KDM4C: variants seen among roughly 807,000 people sequenced by gnomAD.
KDM4C encodes the protein lysine demethylase 4C, also known as lysine-specific demethylase 4C.
KDM4C carries 81 observed loss-of-function variants against 129.3 expected under a neutral mutation model. The observed-to-expected ratio is 0.63, with a 90% CI of 0.52 to 0.75. KDM4C has a LOEUF of 0.75. Ranked by LOEUF, KDM4C falls within the 30% of genes least tolerant of loss-of-function variation. KDM4C has a pLI of 0.00. For synonymous variants in KDM4C, 573 were observed against 456.1 expected (o/e 1.26, Z -3.26); for missense variants, 1,457 against 1,304.0 (o/e 1.12, Z -1.81).
At chr9:7,010,240 A>G (rs1822446312) in intron 12 of KDM4C, among the ~76,000 whole-genome samples, 1 of 152,104 alleles carries the variant, frequency 6.6e-6, no homozygotes, top group Non-Finnish European at 1.5e-5. Context: ...ATAGGCAAAG[A>G]CTCTTATCTT....
chr9:7,063,320 A>G (rs993228693), intron 17 of KDM4C, among the ~76,000 whole-genome samples: 3 of 152,330 alleles, frequency 2.0e-5, no homozygotes, highest in Admixed American at 1.3e-4. Context: ...ATGTCTAACA[A>G]TTTATGGAAG....
At chr9:6,756,172 G>A (rs1255174108), upstream of KDM4C, among the ~76,000 whole-genome samples, 2 of 152,062 alleles carry the variant, frequency 1.3e-5, no homozygotes, top group South Asian at 4.1e-4. Context: ...TTTCTTAACC[G>A]CTATGCTTCA....
At chr9:6,796,264 G>A (rs1827737640) in intron 2 of KDM4C, among the ~76,000 whole-genome samples, 1 of 152,236 alleles carries the variant, frequency 6.6e-6, no homozygotes, top group African/African-American at 2.4e-5. Context: ...GGCCAACATG[G>A]TGAAACCCCA....
chr9:7,158,437 G>A (rs1017766177), intron 19 of KDM4C, among the ~76,000 whole-genome samples: 1 of 151,586 alleles, frequency 6.6e-6, no homozygotes, highest in Non-Finnish European at 1.5e-5. Flanking sequence ...GTGATGTTAG[G>A]GTGTCGATTT....
intron 17 of KDM4C, among the ~76,000 whole-genome samples, chr9:7,082,548 G>C (rs1028747028): frequency 6.6e-6 from 1 of 152,166 alleles, no homozygotes; most frequent in African/African-American, 2.4e-5. Flanking sequence ...AGCTCTGATT[G>C]CTTCCCATCC....
intron 1 of KDM4C, among the ~76,000 whole-genome samples, chr9:6,739,431 G>C (rs1817621416): frequency 6.6e-6 from 1 of 151,960 alleles, no homozygotes; most frequent in Admixed American, 6.6e-5. Context: ...GCCATCTAGT[G>C]TGGGATTTGT....
chr9:6,845,734 A>T (rs1039442098), intron 4 of KDM4C, among the ~76,000 whole-genome samples: 3 of 152,188 alleles, frequency 2.0e-5, no homozygotes, highest in Non-Finnish European at 4.4e-5. Flanking sequence ...GGGCCGGGGC[A>T]CGTAGACTCC....
At chr9:6,947,225 A>G (rs1434795322) in intron 8 of KDM4C, among the ~76,000 whole-genome samples, 2 of 151,894 alleles carry the variant, frequency 1.3e-5, no homozygotes, top group Non-Finnish European at 2.9e-5. Flanking sequence ...GATTTTTTGT[A>G]CTCTAAATAG....
At chr9:7,005,510 C>G (rs914382051) in intron 12 of KDM4C, among the ~76,000 whole-genome samples, 4 of 150,400 alleles carry the variant, frequency 2.7e-5, no homozygotes, top group Admixed American at 1.3e-4. Flanking sequence ...TGTTTCTACT[C>G]TAATTTATTT....
At chr9:6,800,734 G>T (rs1014627483) in intron 2 of KDM4C, among the ~76,000 whole-genome samples, 1 of 151,802 alleles carries the variant, frequency 6.6e-6, no homozygotes, top group African/African-American at 2.4e-5. Context: ...TCAAGCAGTC[G>T]CCCCACCTCA....
chr9:6,786,905 C>T (rs1351035212), intron 1 of KDM4C, among the ~76,000 whole-genome samples: 16 of 151,808 alleles, frequency 1.1e-4, no homozygotes, highest in Admixed American at 9.9e-4. Context: ...CTTTTTTGCC[C>T]ATCATATTGG....
At chr9:6,943,036 T>G (rs1189475331) in intron 8 of KDM4C, among the ~76,000 whole-genome samples, 2 of 152,188 alleles carry the variant, frequency 1.3e-5, no homozygotes, top group East Asian at 1.9e-4. Context: ...CGCATAATTT[T>G]TTTTAAGTTT....
intron 4 of KDM4C, among the ~76,000 whole-genome samples, chr9:6,840,960 C>T (rs1283652048): frequency 6.6e-6 from 1 of 152,180 alleles, no homozygotes; most frequent in East Asian, 1.9e-4. Flanking sequence ...AGACCAAGAG[C>T]ACATCTAAAT....
chr9:7,066,757 ATTG>A (rs999561374), intron 17 of KDM4C, among the ~76,000 whole-genome samples: 2 of 152,212 alleles, frequency 1.3e-5, no homozygotes, highest in Non-Finnish European at 2.9e-5. Context: ...CAGGGATTAT[ATTG>A]TTGTTACTTG....
chr9:6,832,878 C>T (rs1835153439), intron 4 of KDM4C, among the ~76,000 whole-genome samples: 3 of 151,002 alleles, frequency 2.0e-5, no homozygotes, highest in South Asian at 4.2e-4. Flanking sequence ...TAGGCACCCA[C>T]CACCTTGCCT....
At chr9:7,035,425 T>A (rs1351918205) in intron 15 of KDM4C, among the ~76,000 whole-genome samples, 1 of 150,552 alleles carries the variant, frequency 6.6e-6, no homozygotes, top group Non-Finnish European at 1.5e-5. Context: ...AAATATTTTT[T>A]CCCATTCTGT....
At chr9:6,738,384 A>T (rs1817593207) in intron 1 of KDM4C, among the ~76,000 whole-genome samples, 1 of 152,150 alleles carries the variant, frequency 6.6e-6, no homozygotes, top group Non-Finnish European at 1.5e-5. Context: ...CTGAGGCAGG[A>T]GAATCGCTTG....
intron 17 of KDM4C, among the ~76,000 whole-genome samples, chr9:7,089,205 G>A (rs921866535): frequency 3.3e-5 from 5 of 152,020 alleles, no homozygotes; most frequent in African/African-American, 1.2e-4. Flanking sequence ...GTTGAATAAC[G>A]TAAAAAAATC....
chr9:7,129,338 G>A (rs7021126), intron 19 of KDM4C, among the ~76,000 whole-genome samples: 81,923 of 151,970 alleles, frequency 0.54, 22,478 homozygotes, highest in Middle Eastern at 0.63. Flanking sequence ...GGTAAGAATG[G>A]CAAGTATATA....
Sources: gnomAD v4.1 joint callset for allele counts (sites outside exome capture counted in the v4.1 genomes callset) on GRCh38, gnomAD v4.1.1 for gene constraint, MANE v1.5 for transcripts, NCBI Gene and HGNC (gene_info 2026-07-23, HGNC 2026-07-21) for gene names.